Variants in PCDH11X observed in about 807,000 individuals in gnomAD.
PCDH11X encodes protocadherin 11 X-linked, also known as protocadherin-11 X-linked.
Under a neutral mutation model 53.3 loss-of-function variants are expected in PCDH11X, and 18 were observed. The observed-to-expected ratio is 0.34, with a 90% CI of 0.23 to 0.50. PCDH11X has a LOEUF of 0.50. Among genes scored for constraint, PCDH11X ranks in the 20% least tolerant of loss-of-function variants. The pLI is 0.98. For missense variants in PCDH11X, 570 were observed against 1,032.4 expected (o/e 0.55, Z 6.14); for synonymous variants, 279 against 393.3 (o/e 0.71, Z 3.44).
At position 92,421,606 on chromosome X, in the gene PCDH11X, C is replaced by T. The variant is rs768481592; in HGVS notation, c.3343+33673C>T. 4.5e-5 allele frequency among the ~76,000 whole-genome samples: 5 copies of T among 111,853 alleles called. No individual in the cohort carries two copies. In the East Asian group the frequency reaches 1.4e-3, roughly 31 times the overall value. ...TATGTCTTTATGGCAGAACGATTTA[C>T]ATTCCTTTAGGTATATACCCAATGA... On this transcript the variant is annotated intron_variant, in intron 9 of 10. Coordinates refer to ENST00000682573, the MANE Select transcript of PCDH11X (RefSeq NM_032968.5).
intron 9 of PCDH11X, among the ~76,000 whole-genome samples, chrX:92,431,559 G>A (rs955707182): frequency 4.5e-5 from 5 of 110,295 alleles, no homozygotes; most frequent in African/African-American, 1.6e-4. Flanking sequence ...TGGAGTGGGT[G>A]GGGAGGGAGA....
chrX:92,212,443 C>T (rs1260545788), intron 7 of PCDH11X, among the ~76,000 whole-genome samples: 4 of 111,747 alleles, frequency 3.6e-5, no homozygotes, highest in South Asian at 3.7e-4. Flanking sequence ...CTCCACCTCC[C>T]GGTTTCAAGC....
chrX:92,303,135 G>A (rs1177763000), intron 8 of PCDH11X, among the ~76,000 whole-genome samples: 1 of 110,043 alleles, frequency 9.1e-6, no homozygotes, highest in Middle Eastern at 4.3e-3. Flanking sequence ...TTTGAACTTG[G>A]AGATAGAAAG....
rs1240803979 is a variant in PCDH11X at position 91,846,166 on chromosome X, A to G, written c.540+10122A>G. Among the ~76,000 whole-genome samples the G allele has an allele frequency of 6.3e-5, 7 of 111,911 alleles. No individual in the cohort carries two copies. In the Admixed American group the frequency reaches 6.7e-4, roughly 11 times the overall value. On this transcript the variant is annotated intron_variant, in intron 5 of 10. Coordinates refer to ENST00000682573, the MANE Select transcript of PCDH11X (RefSeq NM_032968.5). ...TTTTAGGTATTGATTAATGTAAAAA[A>G]TGGCATTTTACCCAATAACCTTCCT...
intron 8 of PCDH11X, among the ~76,000 whole-genome samples, chrX:92,340,207 C>T (rs2069720794): frequency 9.0e-6 from 1 of 111,278 alleles, no homozygotes; most frequent in Non-Finnish European, 1.9e-5. Context: ...GCAGCTCTGT[C>T]CCTGTGGCTT....
chrX:92,487,048 C>CTTTTTTTTTTTTTTT lies in PCDH11X; in HGVS notation c.3367+18734_3367+18748dup, dbSNP rs758641899. ...TTATTATCTCTGAGAAATATGCTTCCTTTTTTTTTTTTTTTTTTTTTTGAG... is the reference window on the plus strand; with the variant it reads ...TTATTATCTCTGAGAAATATGCTTCCTTTTTTTTTTTTTTTTTTTTTTTTTTTTTTTTTTTTTGAG... On this transcript the variant is annotated intron_variant, in intron 10 of 10. Transcript: ENST00000682573. Among the ~76,000 whole-genome samples the CTTTTTTTTTTTTTTT allele has an allele frequency of 4.4e-5, 3 of 67,834 alleles. 1 individual carries two copies. The highest frequency in any genetic ancestry group is 1.2e-3 in the East Asian group (2 of 1,719). 58.9% of individuals were successfully genotyped at this position (67,834 alleles called of 115,157 possible).
chrX:92,189,698 C>T lies in PCDH11X; in HGVS notation c.3034-11677C>T, dbSNP rs192438498. Among the ~76,000 whole-genome samples the T allele has an allele frequency of 4.7e-3, 522 of 111,957 alleles. 7 individuals are homozygous for T. Among genetic ancestry groups the T allele is most frequent in the African/African-American group, 0.016 (504 of 30,835 alleles). The stretch of plus-strand genomic sequence containing the variant: ...TCCTACCAACAGTGTAAAAGCATTC[C>T]TTTTTCTGTGCAACCTCGCCAGCAT... On this transcript the variant is annotated intron_variant, in intron 6 of 10. Coordinates refer to ENST00000682573, the MANE Select transcript of PCDH11X (RefSeq NM_032968.5).
intron 9 of PCDH11X, among the ~76,000 whole-genome samples, chrX:92,436,609 C>T (rs1338717742): frequency 9.0e-6 from 1 of 111,074 alleles, no homozygotes; most frequent in Non-Finnish European, 1.9e-5. Flanking sequence ...ATAAAGAAAA[C>T]GTGGCACACA....
chrX:91,882,540 A>G (rs1183577394), intron 6 of PCDH11X, among the ~76,000 whole-genome samples: 1 of 111,055 alleles, frequency 9.0e-6, no homozygotes, highest in African/African-American at 3.3e-5. Flanking sequence ...ACTGTCTAAG[A>G]CAAGTATTTG....
At chrX:92,250,591 G>GTATA (rs1353040434) in intron 7 of PCDH11X, among the ~76,000 whole-genome samples, 15 of 52,513 alleles carry the variant, frequency 2.9e-4, no homozygotes, top group Middle Eastern at 0.015. Context: ...AATAATGTGT[G>GTATA]TATGTATATA....
At chrX:92,148,113 TCTTTCTTTCTTTCTTTCTTTTTCC>T (rs2065348288) in intron 6 of PCDH11X, among the ~76,000 whole-genome samples, 16 of 18,209 alleles carry the variant, frequency 8.8e-4, no homozygotes, top group East Asian at 3.4e-3. Flanking sequence ...TTTCTTTCTT[TCTTTCTTTCTTTCTTTCTTTTTCC>T]TTCCTTCCTT....
chrX:91,926,076 GCACACACA>G (rs4022270), intron 6 of PCDH11X, among the ~76,000 whole-genome samples: 18,339 of 82,932 alleles, frequency 0.22, 2,098 homozygotes, highest in Admixed American at 0.51. Context: ...ACACAAACAC[GCACACACA>G]CACACACACA....
chrX:92,234,430 G>C lies in PCDH11X; in HGVS notation c.3115-28684G>C, dbSNP rs990428673. On this transcript the variant is annotated intron_variant, in intron 7 of 10. Transcript: ENST00000682573. ...AATGATGCATTATTAAGGCATGGCT[G>C]TGTGTACTTAATGTACTTTTGAAAC... Among the ~76,000 whole-genome samples, 4 of 112,091 alleles carry C rather than the reference G, an allele frequency of 3.6e-5. No homozygotes were observed. The South Asian group carries it at 1.5e-3, about 41-fold the overall frequency.
At chrX:92,286,634 A>G (rs1185116282) in intron 8 of PCDH11X, among the ~76,000 whole-genome samples, 1 of 90,047 alleles carries the variant, frequency 1.1e-5, no homozygotes, top group Non-Finnish European at 2.2e-5. Flanking sequence ...TGACTAGATG[A>G]AGTAAGTTCT....
chrX:91,808,880 G>C (rs998061917), intron 1 of PCDH11X, among the ~76,000 whole-genome samples: 18 of 110,423 alleles, frequency 1.6e-4, no homozygotes, highest in Middle Eastern at 4.8e-3. Flanking sequence ...TCCTTTACTA[G>C]AAGTCTCTTT....
intron 10 of PCDH11X, among the ~76,000 whole-genome samples, chrX:92,469,614 T>C (rs750181024): frequency 8.9e-6 from 1 of 111,821 alleles, no homozygotes; most frequent in South Asian, 3.7e-4. Flanking sequence ...CTTCTGCATA[T>C]GGATATCCAG....
intron 5 of PCDH11X, among the ~76,000 whole-genome samples, chrX:91,847,828 A>T (rs895634792): frequency 5.3e-5 from 6 of 112,183 alleles, no homozygotes; most frequent in Admixed American, 9.5e-5. Flanking sequence ...CACACAAAAA[A>T]AACAGACATG....
chrX:91,995,873 C>T (rs1184565802), intron 6 of PCDH11X, among the ~76,000 whole-genome samples: 4 of 102,673 alleles, frequency 3.9e-5, no homozygotes, highest in South Asian at 4.6e-4. Context: ...TTTTTGAGGC[C>T]GAGTCTCGCT....
At chrX:91,808,372 GT>G (rs775471202) in intron 1 of PCDH11X, among the ~76,000 whole-genome samples, 52 of 109,443 alleles carry the variant, frequency 4.8e-4, no homozygotes, top group Non-Finnish European at 4.0e-4. Flanking sequence ...ACGGGTGCCT[GT>G]AATCCCAGCT....
Sources: allele counts gnomAD v4.1 joint callset (sites outside exome capture counted in the v4.1 genomes callset), GRCh38; gene constraint gnomAD v4.1.1; transcripts MANE v1.5; gene names NCBI Gene and HGNC (gene_info 2026-07-23, HGNC 2026-07-21).